RANBP3L: variants seen among roughly 807,000 people sequenced by gnomAD.
RANBP3L encodes RAN binding protein 3 like.
A neutral mutation model predicts 67.2 loss-of-function variants in RANBP3L; 56 were observed. That is an observed-to-expected ratio of 0.83 (90% confidence interval 0.67 to 1.04). The LOEUF (loss-of-function observed/expected upper bound fraction) is 1.04, where lower values mean the gene tolerates loss of function less well. Among genes scored for constraint, RANBP3L ranks in the 50% least tolerant of loss-of-function variants. The pLI is 0.00. For missense variants in RANBP3L, 496 were observed against 535.5 expected, an observed-to-expected ratio of 0.93 and a Z score of 0.73; for synonymous variants, 164 against 181.4, an observed-to-expected ratio of 0.90 and a Z score of 0.77.
intron 13 of RANBP3L, 82 bp from the exon 14 acceptor site, chr5:36,249,779 A>G: frequency 1.7e-6 from 1 of 592,076 alleles, no homozygotes; most frequent in Non-Finnish European, 2.9e-6. Context: ...CTAAACATGA[A>G]TATTAATGAA....
intron 4 of RANBP3L, among the ~76,000 whole-genome samples, chr5:36,268,681 G>C (rs373699381): frequency 3.3e-5 from 5 of 151,928 alleles, no homozygotes; most frequent in African/African-American, 1.2e-4. Context: ...ATTTTCAAGG[G>C]GTAGGCATCC....
chr5:36,286,758 T>G (rs1751351426), intron 1 of RANBP3L, among the ~76,000 whole-genome samples: 1 of 152,204 alleles, frequency 6.6e-6, no homozygotes, highest in Non-Finnish European at 1.5e-5. Context: ...AGACCAAGTG[T>G]GATTTCTAAA....
intron 1 of RANBP3L, among the ~76,000 whole-genome samples, chr5:36,295,368 A>G (rs528920210): frequency 6.6e-6 from 1 of 152,138 alleles, no homozygotes; most frequent in African/African-American, 2.4e-5. Flanking sequence ...TGGTTTTATA[A>G]GGGGCTTTTC....
At position 36,257,076 on chromosome 5, in the gene RANBP3L, G is replaced by A; in HGVS notation, c.773-5C>T. On this transcript the variant is annotated splice_region_variant and splice_polypyrimidine_tract_variant and intron_variant, in intron 9 of 13. Coordinates refer to ENST00000296604, the MANE Select transcript of RANBP3L (RefSeq NM_145000.5). ...TATTTTTAATAGAGTCTGTTCCTAA[G>A]AGAAAATGGGGAAAAAACACTTAAA... is the stretch of plus-strand genomic sequence containing the variant. The A allele has an allele frequency of 6.2e-7, 1 of 1,605,506 alleles. No individual in the cohort carries two copies. Among genetic ancestry groups the A allele is most frequent in the African/African-American group, 1.3e-5 (1 of 74,562 alleles).
At chr5:36,265,271 G>C (rs1749680096) in intron 5 of RANBP3L, among the ~76,000 whole-genome samples, 173 bp from the exon 6 acceptor site, 1 of 152,072 alleles carries the variant, frequency 6.6e-6, no homozygotes, top group South Asian at 2.1e-4. Context: ...ACCCTGCCTA[G>C]CTTTTGCCCA....
intron 13 of RANBP3L, among the ~76,000 whole-genome samples, 185 bp from the exon 14 acceptor site, chr5:36,249,882 T>G (rs1366404856): frequency 6.6e-6 from 1 of 151,982 alleles, no homozygotes; most frequent in Non-Finnish European, 1.5e-5. Flanking sequence ...ATGCCTCTTT[T>G]AGATAATTTA....
At chr5:36,255,173 A>G (rs915928578) in intron 11 of RANBP3L, among the ~76,000 whole-genome samples, 8 of 152,114 alleles carry the variant, frequency 5.3e-5, no homozygotes, top group East Asian at 3.8e-4. Flanking sequence ...CAGTCACTCA[A>G]TAAGTCATGA....
chr5:36,264,626 T>C (rs1332282038), intron 6 of RANBP3L, among the ~76,000 whole-genome samples: 2 of 152,164 alleles, frequency 1.3e-5, no homozygotes, highest in Middle Eastern at 6.8e-3. Flanking sequence ...GTAGAGAAAA[T>C]CCCTGCCTCT....
chr5:36,292,803 G>A lies in RANBP3L; in HGVS notation c.91+8523C>T, dbSNP rs557083437. Among the ~76,000 whole-genome samples, 10 of 152,330 alleles carry A rather than the reference G, an allele frequency of 6.6e-5. No individual in the cohort carries two copies. The East Asian group carries it at 1.9e-3, about 29-fold the overall frequency. On this transcript the variant is annotated intron_variant, in intron 1 of 13. Transcript: ENST00000296604. ...GTACCATGCTGTTTTGGTTACTGTA[G>A]CCTTGTAGGATAGTTTGAAGTCAGG...
chr5:36,287,458 G>A (rs1751405755), intron 1 of RANBP3L, among the ~76,000 whole-genome samples: 1 of 152,142 alleles, frequency 6.6e-6, no homozygotes, highest in South Asian at 2.1e-4. Context: ...TAAATGAAGT[G>A]CTATGTAAAT....
Position 36,301,585 on chromosome 5 carries a change from C to G in RANBP3L, c.-169G>C, listed in dbSNP as rs564089996. 3.5e-5 allele frequency: 17 copies of G among 490,828 alleles called. No individual in the cohort carries two copies. The East Asian group carries it at 5.0e-4, about 14-fold the overall frequency. The allele number at this position is 490,828 out of a possible 1,614,324, so 30.4% of individuals were successfully genotyped here. A position where few individuals can be genotyped will look rare whatever the true frequency, so the allele number is the denominator to read the frequency against. On this transcript the variant is annotated 5_prime_UTR_variant, in exon 1 of 14. The change abolishes an upstream ATG in the 5' untranslated region. Coordinates refer to ENST00000296604, the MANE Select transcript of RANBP3L (RefSeq NM_145000.5). ...ACTAAACTTCCAAGCTTTTTCCAGT[C>G]ATGATTCTTGAAATAAATAATCACC...
chr5:36,260,858 T>C lies in RANBP3L; in HGVS notation c.591A>G (p.Gln197=). The change falls in exon 8 of 14, where the codon CAA becomes CAG. Residue 197 remains glutamine, a synonymous_variant. Coordinates refer to ENST00000296604, the MANE Select transcript of RANBP3L (RefSeq NM_145000.5). The stretch of plus-strand genomic sequence containing the variant: ...TAAAAGAACATTTATCTTCATTTGG[T>C]TGACATCTAAGAAAATGAAATAAGC... ...DFLGATSVGC[Q]PNEDKCSFKS... The C allele has an allele frequency of 2.0e-6, 3 of 1,463,624 alleles. No homozygotes were observed. The highest frequency in any genetic ancestry group is 1.9e-6 in the Non-Finnish European group (2 of 1,051,626). 90.7% of individuals were successfully genotyped at this position (1,463,624 alleles called of 1,614,324 possible).
intron 2 of RANBP3L, 102 bp from the exon 3 acceptor site, chr5:36,270,092 A>G (rs1750103219): frequency 1.0e-6 from 1 of 989,770 alleles, no homozygotes; most frequent in Non-Finnish European, 1.6e-6. Flanking sequence ...AATGGCAAAA[A>G]TTGCAATTAC....
chr5:36,268,823 C>T (rs1219154124), intron 4 of RANBP3L, among the ~76,000 whole-genome samples: 1 of 151,974 alleles, frequency 6.6e-6, no homozygotes, highest in East Asian at 1.9e-4. Context: ...ATTCTCCTGC[C>T]CCAACCTCCC....
intron 10 of RANBP3L, among the ~76,000 whole-genome samples, chr5:36,256,021 A>G (rs1482272047): frequency 6.6e-6 from 1 of 152,064 alleles, no homozygotes; most frequent in Non-Finnish European, 1.5e-5. Flanking sequence ...CAATTTTTAT[A>G]TTAATTATTT....
chr5:36,271,150 A>G, intron 2 of RANBP3L, 103 bp downstream of exon 2: 2 of 725,964 alleles, frequency 2.8e-6, no homozygotes, highest in Non-Finnish European at 4.9e-6. Context: ...AGTAAAGAAC[A>G]GGATAAACCT....
intron 8 of RANBP3L, among the ~76,000 whole-genome samples, chr5:36,259,742 A>G (rs1749240624): frequency 6.6e-6 from 1 of 152,168 alleles, no homozygotes; most frequent in Admixed American, 6.5e-5. Flanking sequence ...TATCTCAGCC[A>G]CTTTCCTGAC....
chr5:36,267,464 C>T lies in RANBP3L; in HGVS notation c.268+1926G>A, dbSNP rs137891930. On this transcript the variant is annotated intron_variant, in intron 4 of 13. Coordinates refer to ENST00000296604, the MANE Select transcript of RANBP3L (RefSeq NM_145000.5). ...CAGAGGTTGCAGTAAGCTGAGATCA[C>T]GCCATTGCACTCTAGCCTGGGCGAC... Among the ~76,000 whole-genome samples the T allele has an allele frequency of 8.6e-3, 1,305 of 151,478 alleles. 23 individuals carry two copies. The highest frequency in any genetic ancestry group is 0.03 in the African/African-American group (1,247 of 41,176).
rs748678869 is a variant in RANBP3L at position 36,251,454 on chromosome 5, G to C, written c.1213C>G (p.Arg405Gly). ...TTGAAGCTTTGAAGTGCAACAAGACGATGATGTATTGCTGCATACAAATAT... is the reference window on the plus strand; with the variant it reads ...TTGAAGCTTTGAAGTGCAACAAGACCATGATGTATTGCTGCATACAAATAT... ...TAYLYAAIHH[R>G]LVALQSFNKQ... Residue 405 changes from arginine (R) to glycine (G), a missense_variant, in exon 13 of 14, where the codon CGT becomes GGT. Coordinates refer to ENST00000296604, the MANE Select transcript of RANBP3L (RefSeq NM_145000.5). 1 of 1,612,350 alleles carries C rather than the reference G, an allele frequency of 6.2e-7. No individual in the cohort carries two copies. The highest frequency in any genetic ancestry group is 1.1e-5 in the South Asian group (1 of 90,848).
Sources: allele counts gnomAD v4.1 joint callset (sites outside exome capture counted in the v4.1 genomes callset), GRCh38; gene constraint gnomAD v4.1.1; transcripts MANE v1.5; gene names NCBI Gene and HGNC (gene_info 2026-07-23, HGNC 2026-07-21).